Variants in CSMD1 observed in about 807,000 individuals in gnomAD.
CSMD1 encodes CUB and sushi domain-containing protein 1.
CSMD1 carries 213 observed loss-of-function variants against 417.5 expected under a neutral mutation model. The ratio of observed to expected loss-of-function variants is 0.51; its 90% CI spans 0.46 to 0.57. The LOEUF is 0.57. Ranked by LOEUF, CSMD1 falls within the 20% of genes least tolerant of loss-of-function variation. The pLI, the probability that CSMD1 is intolerant of heterozygous loss-of-function variation, is 0.00. For synonymous variants in CSMD1, 2,862 were observed against 1,736.8 expected (o/e 1.65, Z -16.11); for missense variants, 6,923 against 4,529.7 (o/e 1.53, Z -15.17).
chr8:3,291,299 GTC>G (rs1803539944), intron 25 of CSMD1, among the ~76,000 whole-genome samples: 1 of 152,020 alleles, frequency 6.6e-6, no homozygotes, highest in Non-Finnish European at 1.5e-5. Context: ...TTTTTGTTGT[GTC>G]TCTGTCAGGC....
chr8:3,692,586 CCACA>C (rs1313290345), intron 7 of CSMD1, among the ~76,000 whole-genome samples: 2 of 152,088 alleles, frequency 1.3e-5, no homozygotes, highest in African/African-American at 2.4e-5. Context: ...AGGCATGTCA[CCACA>C]CACAGCTAAT....
rs74511823 is a variant in CSMD1 at position 4,707,549 on chromosome 8, G to C, written c.86-69991C>G. On this transcript the variant is annotated intron_variant, in intron 1 of 69. Coordinates refer to ENST00000635120, the MANE Select transcript of CSMD1 (RefSeq NM_033225.6). ...AAATGGAGAGGCCGCTTGTAGAACA[G>C]ATGCTAACTAAATTCCCAGGTTTTT... Among the ~76,000 whole-genome samples the C allele has an allele frequency of 2.9e-3, 442 of 152,208 alleles. 9 individuals are homozygous for C. In the East Asian group the frequency reaches 0.064, roughly 22 times the overall value.
At chr8:3,768,363 T>C (rs1437271531) in intron 5 of CSMD1, among the ~76,000 whole-genome samples, 1 of 152,156 alleles carries the variant, frequency 6.6e-6, no homozygotes, top group Non-Finnish European at 1.5e-5. Flanking sequence ...GATTGGGAAA[T>C]TCCAAACACC....
At chr8:4,164,015 G>A (rs554695664) in intron 3 of CSMD1, among the ~76,000 whole-genome samples, 1 of 152,118 alleles carries the variant, frequency 6.6e-6, no homozygotes, top group African/African-American at 2.4e-5. Context: ...AATTAAATAA[G>A]CAGAGTAAGC....
At chr8:4,594,519 A>G (rs892656046) in intron 2 of CSMD1, among the ~76,000 whole-genome samples, 5 of 152,116 alleles carry the variant, frequency 3.3e-5, no homozygotes, top group African/African-American at 1.2e-4. Flanking sequence ...CTGTTTCTAA[A>G]TAAGGTCACA....
chr8:3,943,811 T>G (rs931512491), intron 5 of CSMD1, among the ~76,000 whole-genome samples: 2 of 152,066 alleles, frequency 1.3e-5, no homozygotes, highest in Admixed American at 6.6e-5. Context: ...TGGCCCTTAC[T>G]CTCCAAAAGT....
At position 3,954,227 on chromosome 8, in the gene CSMD1, G is replaced by C. The variant is rs556372308; in HGVS notation, c.818+43676C>G. On this transcript the variant is annotated intron_variant, in intron 5 of 69. Transcript: ENST00000635120. ...GGCATAAAGGAGAAAAAGAGACCCA[G>C]GCAAGTCCAGAGCAGGAGTGGAAGT... Among the ~76,000 whole-genome samples the C allele has an allele frequency of 3.1e-4, 47 of 152,324 alleles. 2 individuals are homozygous for C. Among genetic ancestry groups the C allele is most frequent in the South Asian group, 2.5e-3 (12 of 4,826 alleles).
intron 4 of CSMD1, among the ~76,000 whole-genome samples, chr8:4,023,519 G>C (rs17068619): frequency 0.1 from 15,713 of 151,778 alleles, 986 homozygotes; most frequent in South Asian, 0.23. Flanking sequence ...ACAGGCATAC[G>C]CTTGGCTCTG....
chr8:4,957,425 T>C (rs1021540920), intron 1 of CSMD1, among the ~76,000 whole-genome samples: 6 of 152,200 alleles, frequency 3.9e-5, no homozygotes, highest in African/African-American at 1.4e-4. Context: ...GGAAACCCTA[T>C]GTAACAGGCG....
In CSMD1 at chr8:3,384,789, T is replaced by TAAA. The variant is rs1491467486; in HGVS notation, c.2782+2704_2782+2705insTTT. Reference sequence around the variant, plus strand: ...TAAATATATATTTATATAATATATATTAATATATGCTATTTATATATAAAT... The same window carrying TAAA: ...TAAATATATATTTATATAATATATATAAATAATATATGCTATTTATATATAAAT... On this transcript the variant is annotated intron_variant, in intron 18 of 69. Transcript: ENST00000635120. 6.1e-3 allele frequency among the ~76,000 whole-genome samples: 759 copies of TAAA among 123,874 alleles called. 21 individuals are homozygous for TAAA. In the East Asian group the frequency reaches 0.071, roughly 12 times the overall value. The allele number at this position is 123,874 out of a possible 152,430, so 81.3% of individuals were successfully genotyped here.
intron 3 of CSMD1, among the ~76,000 whole-genome samples, chr8:4,119,620 C>T (rs1028128417): frequency 1.6e-4 from 25 of 152,066 alleles, no homozygotes; most frequent in African/African-American, 4.3e-4. Flanking sequence ...GACTTCTGCT[C>T]TGTCTGTGCT....
At position 4,119,966 on chromosome 8, in the gene CSMD1, A is replaced by G. The variant is rs555298555; in HGVS notation, c.416-87867T>C. On this transcript the variant is annotated intron_variant, in intron 3 of 69. Transcript: ENST00000635120. ...TAATAGGTATCAAAAAAATTAGTTT[A>G]AAAGAATGAATAAGACCTAGTATTT... Among the ~76,000 whole-genome samples the G allele has an allele frequency of 2.0e-5, 3 of 152,156 alleles. No homozygotes were observed. The South Asian group carries it at 6.2e-4, about 32-fold the overall frequency.
intron 5 of CSMD1, among the ~76,000 whole-genome samples, chr8:3,773,804 C>G (rs1798749895): frequency 6.6e-6 from 1 of 152,146 alleles, no homozygotes; most frequent in South Asian, 2.1e-4. Flanking sequence ...GCAGGCCCAT[C>G]TACATGCTTC....
intron 5 of CSMD1, among the ~76,000 whole-genome samples, chr8:3,947,765 C>T (rs891651999): frequency 3.3e-5 from 5 of 152,094 alleles, no homozygotes; most frequent in Admixed American, 1.3e-4. Context: ...GTTCCATGTG[C>T]GGTTGAAAGG....
At chr8:4,155,772 A>T (rs1361973501) in intron 3 of CSMD1, among the ~76,000 whole-genome samples, 4 of 152,158 alleles carry the variant, frequency 2.6e-5, no homozygotes, top group African/African-American at 9.7e-5. Context: ...GGATCTTTCC[A>T]GTAATTTGTG....
At chr8:3,564,769 C>A (rs1388182899) in intron 10 of CSMD1, among the ~76,000 whole-genome samples, 1 of 151,822 alleles carries the variant, frequency 6.6e-6, no homozygotes, top group African/African-American at 2.4e-5. Context: ...AAACCACAAT[C>A]GATCTTGAAA....
Position 3,045,153 on chromosome 8 carries a change from CTT to C in CSMD1, c.7660+7307_7660+7308del, listed in dbSNP as rs1271146267. ...GCTTACTTGAAAGTTTCAGATGATG[CTT>C]AGAAAATGTTAACATGGATTTCCAT... On this transcript the variant is annotated intron_variant, in intron 50 of 69. Coordinates refer to ENST00000635120, the MANE Select transcript of CSMD1 (RefSeq NM_033225.6). 7.9e-5 allele frequency among the ~76,000 whole-genome samples: 12 copies of C among 152,232 alleles called. No homozygotes were observed. The South Asian group carries it at 2.3e-3, about 29-fold the overall frequency.
intron 3 of CSMD1, among the ~76,000 whole-genome samples, chr8:4,365,217 AAG>A (rs1350565778): frequency 5.3e-5 from 8 of 152,214 alleles, no homozygotes; most frequent in Admixed American, 2.0e-4. Flanking sequence ...TATATAAAAA[AAG>A]AGTTTTGTTA....
chr8:3,718,966 T>C (rs184474836), intron 6 of CSMD1, among the ~76,000 whole-genome samples: 42 of 152,070 alleles, frequency 2.8e-4, no homozygotes, highest in African/African-American at 1.0e-3. Context: ...AGCGAGAAGA[T>C]AAGAAAGCGC....
Sources: gnomAD v4.1 joint callset for allele counts (sites outside exome capture counted in the v4.1 genomes callset) on GRCh38, gnomAD v4.1.1 for gene constraint, MANE v1.5 for transcripts, NCBI Gene and HGNC (gene_info 2026-07-23, HGNC 2026-07-21) for gene names.